EXTL2: variants seen among roughly 807,000 people sequenced by gnomAD.
The protein encoded by EXTL2 is exostosin-like 2.
EXTL2 carries 23 observed loss-of-function variants against 30.7 expected under a neutral mutation model. The ratio of observed to expected loss-of-function variants is 0.75; its 90% CI spans 0.54 to 1.06. The LOEUF is 1.06. Ranked by LOEUF, EXTL2 falls within the 50% of genes least tolerant of loss-of-function variation. EXTL2 has a pLI of 0.00. For synonymous variants in EXTL2, 123 were observed against 133.8 expected, an observed-to-expected ratio of 0.92 and a Z score of 0.56; for missense variants, 352 against 396.3, an observed-to-expected ratio of 0.89 and a Z score of 0.95.
chr1:100,873,961 T>G lies in EXTL2; in HGVS notation c.974A>C (p.Asn325Thr). 6.4e-7 allele frequency: 1 copy of G among 1,569,146 alleles called. No individual in the cohort carries two copies. The stretch of plus-strand genomic sequence containing the variant: ...TTACTTTTATATTTTTCTTTTGTAG[T>G]TGGCATATGGAAAACCAAACTGGGA... ...MISQFGFPYA[N>T]YKRKI Residue 325 changes from asparagine (N) to threonine (T), a missense_variant, in exon 5 of 5, where the codon AAC becomes ACC. By Grantham distance (65) the Asn-to-Thr change is moderately conservative. Transcript: ENST00000370114.
chr1:100,894,232 C>A (rs1416585265), intron 1 of EXTL2, among the ~76,000 whole-genome samples: 2 of 152,020 alleles, frequency 1.3e-5, no homozygotes, highest in Admixed American at 1.3e-4. Context: ...AATTATTTAT[C>A]TTTAAACTAT....
At chr1:100,881,728 G>T (rs1646452226) in intron 2 of EXTL2, among the ~76,000 whole-genome samples, 1 of 152,094 alleles carries the variant, frequency 6.6e-6, no homozygotes, top group Non-Finnish European at 1.5e-5. Flanking sequence ...AAAAATCCAA[G>T]ATTTCCCCCA....
rs149183261 is a variant in EXTL2 at position 100,890,181 on chromosome 1, C to T, written c.-71-1353G>A. ...TTCTGTGCACCCATAGGCTCAACACCATGTATAAGCTGCCAAGGCTTGGGG... is the reference window on the plus strand; with the variant it reads ...TTCTGTGCACCCATAGGCTCAACACTATGTATAAGCTGCCAAGGCTTGGGG... On this transcript the variant is annotated intron_variant, in intron 1 of 4. Transcript: ENST00000370114. Among the ~76,000 whole-genome samples the T allele has an allele frequency of 4.5e-3, 681 of 152,324 alleles. 8 individuals carry two copies. Among genetic ancestry groups the T allele is most frequent in the African/African-American group, 0.016 (658 of 41,560 alleles).
At chr1:100,887,588 C>A (rs1353292465) in intron 2 of EXTL2, among the ~76,000 whole-genome samples, 1 of 152,198 alleles carries the variant, frequency 6.6e-6, no homozygotes, top group African/African-American at 2.4e-5. Flanking sequence ...TCCCATTTTG[C>A]AGAGAAGACA....
intron 1 of EXTL2, among the ~76,000 whole-genome samples, chr1:100,892,304 C>T (rs1650490998): frequency 6.6e-6 from 1 of 152,154 alleles, no homozygotes. Context: ...GAGAAGCTGA[C>T]TTGCTGAGTA....
In EXTL2 at chr1:100,877,895, T is replaced by A; in HGVS notation, c.14A>T (p.His5Leu). MRCC[H>L]ICKLPGRVMG... ...TACTCTCCCAGGAAGTTTGCAGATG[T>A]GGCAACACCTGGAGTAGAAATGGAA... Residue 5 changes from histidine (H) to leucine (L), a missense_variant, in exon 3 of 5, where the codon CAC (histidine) becomes CTC (leucine). Physicochemically the swap from His to Leu is moderately conservative, Grantham distance 99 (BLOSUM62 -3). Transcript: ENST00000370114. The surrounding 1 kb of genome is among the most constrained non-coding windows in gnomAD (Gnocchi z 4.1). 1 of 1,594,946 alleles carries A rather than the reference T, an allele frequency of 6.3e-7. No homozygotes were observed. The highest frequency in any genetic ancestry group is 8.5e-7 in the Non-Finnish European group (1 of 1,176,676).
chr1:100,890,436 T>G (rs979836457), intron 1 of EXTL2, among the ~76,000 whole-genome samples: 5 of 152,242 alleles, frequency 3.3e-5, no homozygotes, highest in African/African-American at 1.2e-4. Context: ...TGATTAACAT[T>G]AGGCTCCTTG....
At chr1:100,885,010 C>T (rs1649851562) in intron 2 of EXTL2, among the ~76,000 whole-genome samples, 1 of 152,118 alleles carries the variant, frequency 6.6e-6, no homozygotes, top group South Asian at 2.1e-4. Context: ...AGAATAAATG[C>T]AGATTAAATG....
At chr1:100,881,025 A>T in intron 2 of EXTL2, 1 of 984,450 alleles carries the variant, frequency 1.0e-6, no homozygotes, top group African/African-American at 1.7e-5. Flanking sequence ...ATTTCCTTTC[A>T]GATAGCTCCT....
At chr1:100,874,514 G>T in intron 4 of EXTL2, 84 bp from the exon 5 acceptor site, 2 of 1,096,248 alleles carry the variant, frequency 1.8e-6, no homozygotes, top group South Asian at 1.6e-5. Flanking sequence ...ATTACAGAGA[G>T]AATGAAACTG....
intron 1 of EXTL2, among the ~76,000 whole-genome samples, chr1:100,893,008 TTC>T (rs1489746782): frequency 1.3e-5 from 2 of 152,168 alleles, no homozygotes; most frequent in African/African-American, 4.8e-5. Flanking sequence ...TGCCCCTTAA[TTC>T]TCTCTGCTTT....
chr1:100,886,764 T>C (rs1356269888), intron 2 of EXTL2, among the ~76,000 whole-genome samples: 1 of 152,220 alleles, frequency 6.6e-6, no homozygotes, highest in African/African-American at 2.4e-5. Flanking sequence ...AATGAGGTCC[T>C]TTCTACTTTC....
chr1:100,889,850 T>C lies in EXTL2; in HGVS notation c.-71-1022A>G, dbSNP rs536844346. On this transcript the variant is annotated intron_variant, in intron 1 of 4. Transcript: ENST00000370114. ...GTGGCTTTTCAGGGTACAGTCCCCCTCCTGGCTGCTTTCATAGGCTGGCGT... is the reference window on the plus strand; with the variant it reads ...GTGGCTTTTCAGGGTACAGTCCCCCCCCTGGCTGCTTTCATAGGCTGGCGT... Among the ~76,000 whole-genome samples, 44 of 152,320 alleles carry C rather than the reference T, an allele frequency of 2.9e-4. 1 individual carries two copies. The highest frequency in any genetic ancestry group is 1.1e-3 in the African/African-American group (44 of 41,564).
At chr1:100,875,228 G>GGGAC (rs1157401492) in intron 4 of EXTL2, among the ~76,000 whole-genome samples, 1 of 76,200 alleles carries the variant, frequency 1.3e-5, no homozygotes, top group Non-Finnish European at 2.7e-5. Flanking sequence ...TGCAGAACTA[G>GGGAC]GGACACACAC....
rs767940159 is a variant in EXTL2, at chr1:100,888,765, A to T, written c.-8T>A. The stretch of plus-strand genomic sequence containing the variant: ...TATTGGTACTTACCTCATTGTGTTG[A>T]AGTTTAATTTTTAAAAAATCTCCTT... On this transcript the variant is annotated 5_prime_UTR_variant, in exon 2 of 5. Coordinates refer to ENST00000370114, the MANE Select transcript of EXTL2 (RefSeq NM_001033025.3). 7.0e-6 allele frequency: 11 copies of T among 1,562,510 alleles called. No homozygotes were observed. Among genetic ancestry groups the T allele is most frequent in the Non-Finnish European group, 8.8e-6 (10 of 1,142,222 alleles).
intron 3 of EXTL2, 84 bp from the exon 4 acceptor site, chr1:100,876,948 C>A: frequency 7.5e-6 from 6 of 795,306 alleles, no homozygotes; most frequent in South Asian, 1.6e-5. Flanking sequence ...CTATATAGAT[C>A]ATTCAAATGA....
rs369116238 is a variant in EXTL2 at position 100,887,988 on chromosome 1, G to A, written c.5+765C>T. 9.2e-5 allele frequency among the ~76,000 whole-genome samples: 14 copies of A among 152,284 alleles called. No homozygotes were observed. In the East Asian group the frequency reaches 9.6e-4, roughly 10 times the overall value. ...GTTGGAATTACAGGCGTGAGCCACCGCGCCCTGCCCGCCACATTGTATTTT... is the reference window on the plus strand; with the variant it reads ...GTTGGAATTACAGGCGTGAGCCACCACGCCCTGCCCGCCACATTGTATTTT... On this transcript the variant is annotated intron_variant, in intron 2 of 4. Transcript: ENST00000370114.
At chr1:100,876,497 C>G (rs1263920102) in intron 4 of EXTL2, among the ~76,000 whole-genome samples, 1 of 151,992 alleles carries the variant, frequency 6.6e-6, no homozygotes, top group Non-Finnish European at 1.5e-5. Context: ...CAAAACATCT[C>G]CTCATTCTAG....
chr1:100,875,127 C>T (rs532193105), intron 4 of EXTL2, among the ~76,000 whole-genome samples: 3 of 151,750 alleles, frequency 2.0e-5, no homozygotes, highest in East Asian at 3.9e-4. Flanking sequence ...AAAAGAAAAA[C>T]ACTGAAGCAT....
Sources: gnomAD v4.1 joint callset for allele counts (sites outside exome capture counted in the v4.1 genomes callset) on GRCh38, gnomAD v4.1.1 for gene constraint, Gnocchi (gnomAD v3.1) non-coding constraint, MANE v1.5 for transcripts, NCBI Gene and HGNC (gene_info 2026-07-23, HGNC 2026-07-21) for gene names.